The following KAZN variants were observed in gnomAD, a reference collection of about 807,000 sequenced individuals.
KAZN encodes the protein kazrin.
A neutral mutation model predicts 87.4 loss-of-function variants in KAZN; 40 were observed. The ratio of observed to expected loss-of-function variants is 0.46; its 90% CI spans 0.36 to 0.60. The LOEUF is 0.60. Ranked by LOEUF, KAZN falls within the 20% of genes least tolerant of loss-of-function variation. The pLI, the probability that KAZN is intolerant of heterozygous loss-of-function variation, is 0.00. For missense variants in KAZN, 898 were observed against 1,073.9 expected, an observed-to-expected ratio of 0.84 and a Z score of 2.29; for synonymous variants, 466 against 458.3, an observed-to-expected ratio of 1.02 and a Z score of -0.22.
At chr1:14,155,091 G>A (rs1046819146) in intron 1 of KAZN, among the ~76,000 whole-genome samples, 12 of 151,872 alleles carry the variant, frequency 7.9e-5, no homozygotes, top group South Asian at 4.1e-4. Flanking sequence ...TAGGTTTTTC[G>A]AATAGTTGGA....
intron 1 of KAZN, among the ~76,000 whole-genome samples, chr1:14,797,548 C>A (rs1397094101): frequency 6.6e-6 from 1 of 152,092 alleles, no homozygotes; most frequent in Non-Finnish European, 1.5e-5. Flanking sequence ...AGTTAAAAGG[C>A]GGAATGCAGA....
chr1:14,084,556 G>A lies in KAZN; in HGVS notation c.92-95879G>A, dbSNP rs138689375. On this transcript the variant is annotated intron_variant, in intron 1 of 16. Coordinates refer to the KAZN transcript ENST00000636203. ...CCTGCTCTGTTGCAGCCCATGTTAA[G>A]GGGATTGGCTATCATTAAGCAAGTT... Among the ~76,000 whole-genome samples the A allele has an allele frequency of 2.6e-3, 403 of 152,202 alleles. 10 individuals are homozygous for A. In the South Asian group the frequency reaches 0.066, roughly 25 times the overall value.
At chr1:14,264,531 A>G (rs1428579747) in intron 2 of KAZN, among the ~76,000 whole-genome samples, 1 of 152,158 alleles carries the variant, frequency 6.6e-6, no homozygotes, top group Admixed American at 6.5e-5. Flanking sequence ...TCTTGATAAA[A>G]GGATGAGTCC....
At chr1:14,464,243 G>A (rs892544918) in intron 2 of KAZN, among the ~76,000 whole-genome samples, 2 of 152,240 alleles carry the variant, frequency 1.3e-5, no homozygotes, top group African/African-American at 4.8e-5. Flanking sequence ...AGAAAGTACA[G>A]ACTGCAGATG....
At chr1:14,665,932 C>CA (rs60081619) in intron 1 of KAZN, among the ~76,000 whole-genome samples, 5,507 of 107,964 alleles carry the variant, frequency 0.051, 500 homozygotes, top group African/African-American at 0.18. Flanking sequence ...AAGCTTTGCT[C>CA]AAAAAAAAAA....
intron 2 of KAZN, among the ~76,000 whole-genome samples, chr1:14,970,229 C>T (rs1338043720): frequency 1.3e-5 from 2 of 152,186 alleles, no homozygotes; most frequent in East Asian, 3.9e-4. Flanking sequence ...CCAGTTTCCC[C>T]GTTAAGATCC....
Position 15,074,938 on chromosome 1 carries a change from C to T in KAZN, c.1222+9185C>T, listed in dbSNP as rs61772202. On this transcript the variant is annotated intron_variant, in intron 8 of 14. Transcript: ENST00000376030. ...AAACCTTAGCCACCATGATGATGACCGTGATGATGACAATGGCAATGGTGA... is the reference window on the plus strand; with the variant it reads ...AAACCTTAGCCACCATGATGATGACTGTGATGATGACAATGGCAATGGTGA... Among the ~76,000 whole-genome samples the T allele has an allele frequency of 5.6e-3, 859 of 152,250 alleles. 3 individuals are homozygous for T. The highest frequency in any genetic ancestry group is 0.01 in the Non-Finnish European group (692 of 68,024).
chr1:14,491,899 A>G (rs988520421), intron 2 of KAZN, among the ~76,000 whole-genome samples: 6 of 152,054 alleles, frequency 3.9e-5, no homozygotes, highest in Non-Finnish European at 7.4e-5. Context: ...TTTTGCTTGT[A>G]TTATTTAACT....
intron 1 of KAZN, among the ~76,000 whole-genome samples, chr1:14,815,837 T>C (rs1348851886): frequency 6.6e-6 from 1 of 152,134 alleles, no homozygotes; most frequent in Non-Finnish European, 1.5e-5. Flanking sequence ...AAACAGCCAG[T>C]CATTTTTGGC....
chr1:14,207,982 T>C (rs1646778441), intron 2 of KAZN, among the ~76,000 whole-genome samples: 2 of 152,234 alleles, frequency 1.3e-5, no homozygotes, highest in African/African-American at 4.8e-5. Flanking sequence ...ATGCACATGC[T>C]TCACAAAGAT....
At chr1:14,192,892 T>G (rs643089) in intron 2 of KAZN, among the ~76,000 whole-genome samples, 139,823 of 152,180 alleles carry the variant, frequency 0.92, 64,496 homozygotes, top group African/African-American at 0.98. Context: ...CTTTACAGAG[T>G]TAATCATGTT....
upstream of KAZN, among the ~76,000 whole-genome samples, chr1:14,598,496 C>G (rs1001152289): frequency 6.6e-6 from 1 of 152,106 alleles, no homozygotes; most frequent in East Asian, 2.0e-4. The surrounding 1 kb of genome is among the most constrained non-coding windows in gnomAD (Gnocchi z 4.2). Flanking sequence ...ACCCCTGCCC[C>G]TCGCCAGGGG....
chr1:14,746,760 C>G (rs1271199321), intron 1 of KAZN, among the ~76,000 whole-genome samples: 9 of 152,172 alleles, frequency 5.9e-5, no homozygotes, highest in Non-Finnish European at 1.3e-4. Flanking sequence ...CCATGAGTCT[C>G]TGTACCAGAA....
At chr1:14,692,369 T>C in intron 1 of KAZN, 1 of 329,502 alleles carries the variant, frequency 3.0e-6, no homozygotes, top group Non-Finnish European at 5.6e-6. Flanking sequence ...ATTTTGCTTC[T>C]TTTCCATACG....
intron 2 of KAZN, among the ~76,000 whole-genome samples, chr1:14,418,046 C>T (rs12130533): frequency 0.11 from 9,466 of 85,952 alleles, 537 homozygotes; most frequent in South Asian, 0.17. Context: ...AAAAAAAAAC[C>T]TACATCGAAA....
intron 2 of KAZN, among the ~76,000 whole-genome samples, chr1:14,342,442 T>C (rs1307335190): frequency 6.6e-6 from 1 of 152,240 alleles, no homozygotes; most frequent in East Asian, 1.9e-4. Context: ...TGTACTAATT[T>C]ATGGCACGTA....
At chr1:14,540,536 G>C (rs2148494339) in intron 2 of KAZN, among the ~76,000 whole-genome samples, 1 of 152,286 alleles carries the variant, frequency 6.6e-6, no homozygotes, top group African/African-American at 2.4e-5. Context: ...TTGTCACACA[G>C]AAAGTGTGTC....
At chr1:14,860,954 C>A (rs6429680) in intron 1 of KAZN, among the ~76,000 whole-genome samples, 68,849 of 152,052 alleles carry the variant, frequency 0.45, 17,472 homozygotes, top group African/African-American at 0.67. Flanking sequence ...AAGCGTTTCG[C>A]CTTCACTTGG....
chr1:14,245,874 G>A (rs756113334), intron 2 of KAZN, among the ~76,000 whole-genome samples: 11 of 152,264 alleles, frequency 7.2e-5, no homozygotes, highest in Admixed American at 4.6e-4. Flanking sequence ...AAAGATACAT[G>A]CATGCATATG....
Sources: allele counts gnomAD v4.1 joint callset (sites outside exome capture counted in the v4.1 genomes callset), GRCh38; gene constraint gnomAD v4.1.1; non-coding constraint Gnocchi (gnomAD v3.1); transcripts MANE v1.5; gene names NCBI Gene and HGNC (gene_info 2026-07-23, HGNC 2026-07-21).